Variants in SENP6 observed in about 807,000 individuals in gnomAD.
SENP6 encodes sentrin-specific protease 6.
SENP6 carries 41 observed loss-of-function variants against 134.5 expected under a neutral mutation model. That is an observed-to-expected ratio of 0.30 (90% CI 0.24 to 0.40). The LOEUF is 0.40. Ranked by LOEUF, SENP6 falls within the 10% of genes least tolerant of loss-of-function variation. The pLI is 1.00. For missense variants in SENP6, 1,248 were observed against 1,312.5 expected (o/e 0.95, Z 0.76); for synonymous variants, 395 against 429.8 (o/e 0.92, Z 1.00).
At chr6:75,630,485 T>C (rs1769029544) in intron 3 of SENP6, among the ~76,000 whole-genome samples, 1 of 152,224 alleles carries the variant, frequency 6.6e-6, no homozygotes, top group Admixed American at 6.5e-5. Flanking sequence ...CTTACTTATG[T>C]CTCTCTGGGC....
chr6:75,638,470 A>AT (rs951194606), intron 5 of SENP6, among the ~76,000 whole-genome samples: 6 of 149,188 alleles, frequency 4.0e-5, no homozygotes, highest in Non-Finnish European at 8.9e-5. Context: ...TAAGAATACC[A>AT]TGACTTGTTA....
chr6:75,624,031 T>A, intron 3 of SENP6, 71 bp downstream of exon 3: 1 of 1,253,866 alleles, frequency 8.0e-7, no homozygotes, highest in Non-Finnish European at 1.1e-6. Flanking sequence ...AAAGATTTAA[T>A]ATTTTTAAAT....
At chr6:75,659,140 A>AT in intron 7 of SENP6, 122 bp from the exon 8 acceptor site, 1 of 711,388 alleles carries the variant, frequency 1.4e-6, no homozygotes, top group Non-Finnish European at 2.3e-6. Flanking sequence ...TGAAAAATAA[A>AT]TAAGAGAAGA....
intron 6 of SENP6, among the ~76,000 whole-genome samples, chr6:75,644,490 G>GTTTTC (rs1770280612): frequency 9.2e-6 from 1 of 108,978 alleles, no homozygotes; most frequent in Non-Finnish European, 2.0e-5. Flanking sequence ...TTTTTTTTTT[G>GTTTTC]TTTTCTTTTT....
chr6:75,669,679 G>A (rs934135767), intron 10 of SENP6, among the ~76,000 whole-genome samples: 7 of 152,086 alleles, frequency 4.6e-5, no homozygotes, highest in African/African-American at 9.7e-5. Flanking sequence ...GATGAAAATA[G>A]TTTAAAATAT....
At chr6:75,693,762 T>C (rs1245236033) in intron 16 of SENP6, among the ~76,000 whole-genome samples, 3 of 152,328 alleles carry the variant, frequency 2.0e-5, no homozygotes, top group Non-Finnish European at 2.9e-5. Context: ...ATTTGCTCTT[T>C]CTGTGTAAGA....
chr6:75,665,800 G>T (rs1161853237), intron 9 of SENP6, among the ~76,000 whole-genome samples: 2 of 152,016 alleles, frequency 1.3e-5, no homozygotes, highest in Non-Finnish European at 2.9e-5. Flanking sequence ...GCTGAGGCAG[G>T]CGGATCACCT....
chr6:75,605,095 C>T (rs1766933544), intron 1 of SENP6, among the ~76,000 whole-genome samples: 1 of 152,170 alleles, frequency 6.6e-6, no homozygotes, highest in Admixed American at 6.5e-5. Flanking sequence ...AATATTCCAC[C>T]ATAATTTGCT....
chr6:75,664,057 CTG>C (rs1246896389), intron 9 of SENP6, among the ~76,000 whole-genome samples: 1 of 151,954 alleles, frequency 6.6e-6, no homozygotes, highest in Non-Finnish European at 1.5e-5. Flanking sequence ...ATCTGATAAA[CTG>C]TGTAATTTCC....
chr6:75,623,983 TC>T (rs918479252), intron 3 of SENP6, 23 bp downstream of exon 3: 1 of 1,580,558 alleles, frequency 6.3e-7, no homozygotes, highest in Non-Finnish European at 8.6e-7. Context: ...TAAAATATTT[TC>T]TTCTTTTACA....
chr6:75,606,027 G>A (rs1447149728), intron 1 of SENP6, among the ~76,000 whole-genome samples: 1 of 152,102 alleles, frequency 6.6e-6, no homozygotes, highest in East Asian at 1.9e-4. Flanking sequence ...GGAATCAAAA[G>A]GTTTTGTTTA....
chr6:75,685,447 G>T (rs1773764236), intron 16 of SENP6, among the ~76,000 whole-genome samples: 1 of 151,794 alleles, frequency 6.6e-6, no homozygotes, highest in Non-Finnish European at 1.5e-5. Flanking sequence ...GTTTGCTCTT[G>T]CTTCTCTAGT....
chr6:75,697,647 T>A (rs1774747178), intron 18 of SENP6, 130 bp downstream of exon 18: 1 of 618,638 alleles, frequency 1.6e-6, no homozygotes. Context: ...TATTCATATT[T>A]GTACTGCCTG....
At chr6:75,702,544 T>C (rs1775108351) in intron 18 of SENP6, 101 bp from the exon 19 acceptor site, 1 of 1,129,056 alleles carries the variant, frequency 8.9e-7, no homozygotes, top group Non-Finnish European at 1.2e-6. Context: ...AATAAATTAA[T>C]TGGCAAGAAC....
chr6:75,709,680 GT>G (rs1339734512), intron 20 of SENP6, 50 bp downstream of exon 20: 2 of 1,399,720 alleles, frequency 1.4e-6, no homozygotes, highest in Middle Eastern at 1.8e-4. Context: ...CTAATTAAAA[GT>G]TTTTCTTGCT....
At chr6:75,620,042 A>T (rs1248624470) in intron 1 of SENP6, among the ~76,000 whole-genome samples, 2 of 149,488 alleles carry the variant, frequency 1.3e-5, no homozygotes, top group Non-Finnish European at 3.0e-5. Flanking sequence ...GCAGTGAGCC[A>T]TGATGGCACC....
intron 3 of SENP6, among the ~76,000 whole-genome samples, chr6:75,631,939 T>A (rs1193525632): frequency 6.6e-6 from 1 of 152,180 alleles, no homozygotes; most frequent in Non-Finnish European, 1.5e-5. Flanking sequence ...AACCATTCCA[T>A]AAACAAGTGA....
chr6:75,641,997 G>A (rs1368210841), intron 6 of SENP6, among the ~76,000 whole-genome samples: 1 of 152,078 alleles, frequency 6.6e-6, no homozygotes, highest in Non-Finnish European at 1.5e-5. Context: ...ATTTTGAATT[G>A]CTATGTGATG....
chr6:75,602,632 C>A, intron 1 of SENP6, 56 bp downstream of exon 1: 1 of 1,502,346 alleles, frequency 6.7e-7, no homozygotes, highest in Non-Finnish European at 9.1e-7. Flanking sequence ...GAAAACGTGG[C>A]CCCCAGAACC....
Sources: gnomAD v4.1 joint callset for allele counts (sites outside exome capture counted in the v4.1 genomes callset) on GRCh38, gnomAD v4.1.1 for gene constraint, MANE v1.5 for transcripts, NCBI Gene and HGNC (gene_info 2026-07-23, HGNC 2026-07-21) for gene names.